Variants in MAPKAP1 observed in about 807,000 individuals in gnomAD.
The protein encoded by MAPKAP1 is MAPK associated protein 1, also known as target of rapamycin complex 2 subunit MAPKAP1.
Under a neutral mutation model 65.7 loss-of-function variants are expected in MAPKAP1, and 20 were observed. That is an observed-to-expected ratio of 0.30 (90% CI 0.21 to 0.44). MAPKAP1 has a LOEUF of 0.44. Among genes scored for constraint, MAPKAP1 ranks in the 20% least tolerant of loss-of-function variants. The pLI, the probability that MAPKAP1 is intolerant of heterozygous loss-of-function variation, is 1.00. For synonymous variants in MAPKAP1, 222 were observed against 244.3 expected, an observed-to-expected ratio of 0.91 and a Z score of 0.85; for missense variants, 423 against 648.0, an observed-to-expected ratio of 0.65 and a Z score of 3.77.
chr9:125,651,066 A>G (rs918545166), intron 4 of MAPKAP1, among the ~76,000 whole-genome samples: 3 of 152,160 alleles, frequency 2.0e-5, no homozygotes, highest in African/African-American at 4.8e-5. Context: ...TCCTGGGCTC[A>G]AGTGATCCTT....
chr9:125,555,253 A>C (rs1830704235), intron 6 of MAPKAP1, among the ~76,000 whole-genome samples: 1 of 152,250 alleles, frequency 6.6e-6, no homozygotes, highest in Non-Finnish European at 1.5e-5. Flanking sequence ...CCTTTAAAAG[A>C]GTTCTGTACA....
intron 8 of MAPKAP1, among the ~76,000 whole-genome samples, chr9:125,498,848 G>A (rs904965453): frequency 9.2e-5 from 14 of 152,028 alleles, no homozygotes; most frequent in Admixed American, 9.2e-4. Context: ...TTCCATTCTG[G>A]GTCACCCCCT....
intron 6 of MAPKAP1, among the ~76,000 whole-genome samples, chr9:125,546,155 C>T (rs1296711799): frequency 6.6e-6 from 1 of 152,096 alleles, no homozygotes; most frequent in Non-Finnish European, 1.5e-5. Flanking sequence ...AAAACAACAG[C>T]GAAGGGAAGG....
At chr9:125,675,144 T>A (rs1411399304) in intron 1 of MAPKAP1, among the ~76,000 whole-genome samples, 1 of 152,150 alleles carries the variant, frequency 6.6e-6, no homozygotes, top group Non-Finnish European at 1.5e-5. Context: ...CAATAAGCCA[T>A]CTTCCTGGCA....
chr9:125,458,767 G>A (rs1853307771), intron 10 of MAPKAP1, among the ~76,000 whole-genome samples: 1 of 148,418 alleles, frequency 6.7e-6, no homozygotes, highest in Admixed American at 6.8e-5. Context: ...TGGGCAGAGG[G>A]GCTCTTCACA....
intron 7 of MAPKAP1, among the ~76,000 whole-genome samples, chr9:125,529,117 T>C (rs1305344457): frequency 1.5e-5 from 2 of 137,426 alleles, no homozygotes; most frequent in Admixed American, 8.1e-5. Context: ...GAGGTTGCAG[T>C]GGGCCAAGGT....
At chr9:125,706,106 T>C (rs1319063279) in intron 1 of MAPKAP1, among the ~76,000 whole-genome samples, 2 of 152,146 alleles carry the variant, frequency 1.3e-5, no homozygotes, top group Non-Finnish European at 2.9e-5. Flanking sequence ...TATTGCTTCA[T>C]CAAGAACTCT....
intron 4 of MAPKAP1, among the ~76,000 whole-genome samples, chr9:125,628,382 C>T (rs1768797): frequency 0.9 from 136,504 of 152,182 alleles, 62,010 homozygotes; most frequent in East Asian, 1. Flanking sequence ...TCAAGAGCCA[C>T]ATAAAGGATA....
chr9:125,638,932 A>G (rs1833500131), intron 4 of MAPKAP1, among the ~76,000 whole-genome samples: 1 of 152,248 alleles, frequency 6.6e-6, no homozygotes, highest in Non-Finnish European at 1.5e-5. Flanking sequence ...ACCTCACAAT[A>G]ACAAGTGGAA....
intron 6 of MAPKAP1, among the ~76,000 whole-genome samples, chr9:125,548,792 T>C (rs1386561381): frequency 3.3e-5 from 5 of 152,202 alleles, no homozygotes; most frequent in Non-Finnish European, 7.3e-5. Context: ...ATATTCAATA[T>C]TTATTGAGCA....
intron 10 of MAPKAP1, among the ~76,000 whole-genome samples, chr9:125,460,478 G>A (rs573097223): frequency 2.6e-4 from 40 of 152,182 alleles, no homozygotes; most frequent in African/African-American, 8.9e-4. Context: ...AATTTTCCTC[G>A]TAGACATTCT....
At chr9:125,477,882 C>T (rs908103434) in intron 9 of MAPKAP1, among the ~76,000 whole-genome samples, 7 of 152,158 alleles carry the variant, frequency 4.6e-5, no homozygotes, top group Non-Finnish European at 8.8e-5. Flanking sequence ...TGGAAATAAC[C>T]TCAACTTGGT....
chr9:125,640,047 TA>T (rs1472853313), intron 4 of MAPKAP1, among the ~76,000 whole-genome samples: 4 of 152,130 alleles, frequency 2.6e-5, no homozygotes, highest in Non-Finnish European at 5.9e-5. Context: ...AAGACCTCAG[TA>T]TAGGCATGAC....
At chr9:125,599,704 A>C (rs1832246495) in intron 4 of MAPKAP1, 2 of 151,808 alleles carry the variant, frequency 1.3e-5, no homozygotes. Context: ...CCCAGGTTGA[A>C]GCGATTCTCC....
chr9:125,630,994 G>A (rs1833263487), intron 4 of MAPKAP1, among the ~76,000 whole-genome samples: 1 of 151,740 alleles, frequency 6.6e-6, no homozygotes, highest in Non-Finnish European at 1.5e-5. Flanking sequence ...CTACCTGAGA[G>A]GCTGAGGCAG....
At chr9:125,483,552 A>G (rs920645585) in intron 9 of MAPKAP1, among the ~76,000 whole-genome samples, 1 of 152,234 alleles carries the variant, frequency 6.6e-6, no homozygotes, top group Non-Finnish European at 1.5e-5. Flanking sequence ...TGTGGCAGAG[A>G]CAGGGTGCAG....
intron 4 of MAPKAP1, among the ~76,000 whole-genome samples, chr9:125,615,660 C>T (rs1293078405): frequency 2.0e-5 from 3 of 151,942 alleles, no homozygotes; most frequent in Non-Finnish European, 4.4e-5. Context: ...TGTCTGTAAT[C>T]CCAGCACTCT....
intron 4 of MAPKAP1, among the ~76,000 whole-genome samples, chr9:125,607,659 TTATTA>T (rs1360392509): frequency 6.6e-6 from 1 of 150,860 alleles, no homozygotes; most frequent in Non-Finnish European, 1.5e-5. Context: ...TTTTATTTAT[TTATTA>T]TATATTTTTT....
In MAPKAP1 at chr9:125,447,026, CAG is replaced by C. The variant is rs200823564; in HGVS notation, c.1346-2430_1346-2429del. 8.4e-3 allele frequency among the ~76,000 whole-genome samples: 1,272 copies of C among 152,144 alleles called. 7 individuals are homozygous for C. The highest frequency in any genetic ancestry group is 0.017 in the Middle Eastern group (5 of 294). ...GTGAAGCATGTCAATTGTGGGCTGA[CAG>C]AGGGGAGGCCTGTGGTTCATCTGCA... On this transcript the variant is annotated intron_variant, in intron 10 of 11. Coordinates refer to ENST00000265960, the MANE Select transcript of MAPKAP1 (RefSeq NM_001006617.3). The surrounding 1 kb of genome is among the most constrained non-coding windows in gnomAD (Gnocchi z 4.5).
Sources: gnomAD v4.1 joint callset for allele counts (sites outside exome capture counted in the v4.1 genomes callset) on GRCh38, gnomAD v4.1.1 for gene constraint, Gnocchi (gnomAD v3.1) non-coding constraint, MANE v1.5 for transcripts, NCBI Gene and HGNC (gene_info 2026-07-23, HGNC 2026-07-21) for gene names.